Variants in UGT3A1 observed in about 807,000 individuals in gnomAD.
UGT3A1 encodes the protein UDP glycosyltransferase family 3 member A1.
UGT3A1 carries 40 observed loss-of-function variants against 37.6 expected under a neutral mutation model. The ratio of observed to expected loss-of-function variants is 1.06; its 90% CI spans 0.83 to 1.38. UGT3A1 has a LOEUF of 1.38. UGT3A1 is among the 40% of genes most tolerant of loss of function. The pLI is 0.00. For synonymous variants in UGT3A1, 256 were observed against 232.3 expected (o/e 1.10, Z -0.93); for missense variants, 642 against 634.2 (o/e 1.01, Z -0.13).
At chr5:35,991,398 C>G (rs1740948569), upstream of UGT3A1, 1 of 1,460,680 alleles carries the variant, frequency 6.8e-7, no homozygotes, top group Non-Finnish European at 9.0e-7. Flanking sequence ...TCTGTTCGTT[C>G]TCTTTCCCGC....
chr5:35,978,182 A>G (rs1270779560), intron 2 of UGT3A1, among the ~76,000 whole-genome samples: 1 of 152,008 alleles, frequency 6.6e-6, no homozygotes, highest in Non-Finnish European at 1.5e-5. Flanking sequence ...TTACAGGTGC[A>G]CACCTCCAGG....
intron 1 of UGT3A1, among the ~76,000 whole-genome samples, chr5:35,997,572 G>A (rs1055218791): frequency 3.9e-5 from 6 of 151,938 alleles, no homozygotes; most frequent in African/African-American, 9.7e-5. Flanking sequence ...GATTACAGGC[G>A]CCTGCCATTA....
chr5:35,990,984 C>T, intron 1 of UGT3A1, 163 bp downstream of exon 1: 1 of 1,553,282 alleles, frequency 6.4e-7, no homozygotes, highest in Non-Finnish European at 8.7e-7. Context: ...AGAGGCCCCT[C>T]TCTGCCCCAC....
chr5:35,965,149 C>T (rs77330234), intron 4 of UGT3A1, among the ~76,000 whole-genome samples: 1 of 152,192 alleles, frequency 6.6e-6, no homozygotes, highest in Admixed American at 6.5e-5. Context: ...GATTCTAAGA[C>T]CAGGGCATGG....
intron 1 of UGT3A1, among the ~76,000 whole-genome samples, chr5:35,989,906 A>C (rs1410392179): frequency 1.3e-5 from 2 of 152,114 alleles, no homozygotes; most frequent in East Asian, 3.9e-4. Context: ...AACACGGTTA[A>C]ACCCCGTCTC....
intron 4 of UGT3A1, among the ~76,000 whole-genome samples, chr5:35,957,719 G>A (rs1271846518): frequency 6.6e-6 from 1 of 152,022 alleles, no homozygotes; most frequent in Non-Finnish European, 1.5e-5. Context: ...TCATCCTATT[G>A]GGATCACAGA....
intron 2 of UGT3A1, 112 bp from the exon 3 acceptor site, chr5:35,968,245 T>C: frequency 1.5e-6 from 1 of 670,386 alleles, no homozygotes; most frequent in Non-Finnish European, 2.4e-6. Flanking sequence ...TGGAAATGTT[T>C]AAAGTTTTAT....
At chr5:35,990,091 CAAAA>C (rs397975621) in intron 1 of UGT3A1, among the ~76,000 whole-genome samples, 7 of 115,460 alleles carry the variant, frequency 6.1e-5, no homozygotes, top group Non-Finnish European at 1.1e-4. Context: ...GACTCCGTCT[CAAAA>C]AAAAAAAAAA....
At chr5:35,983,791 C>A (rs568458413) in intron 2 of UGT3A1, among the ~76,000 whole-genome samples, 1 of 152,080 alleles carries the variant, frequency 6.6e-6, no homozygotes, top group East Asian at 1.9e-4. Flanking sequence ...GAACCAAGAA[C>A]AAAAACCATA....
At chr5:36,000,197 A>C (rs535692369) in intron 1 of UGT3A1, among the ~76,000 whole-genome samples, 1 of 152,212 alleles carries the variant, frequency 6.6e-6, no homozygotes, top group Non-Finnish European at 1.5e-5. Flanking sequence ...TTCGGTAAAC[A>C]TTAACTGTCC....
intron 2 of UGT3A1, among the ~76,000 whole-genome samples, chr5:35,969,411 T>C (rs1302002606): frequency 6.6e-6 from 1 of 152,124 alleles, no homozygotes; most frequent in African/African-American, 2.4e-5. Flanking sequence ...TCTCTAACCT[T>C]GCTGATACTC....
chr5:35,955,424 G>A (rs970281038), intron 6 of UGT3A1: 7 of 612,354 alleles, frequency 1.1e-5, no homozygotes, highest in South Asian at 6.0e-5. Context: ...ATAATTTGTC[G>A]CCATCACAGC....
In UGT3A1 at chr5:35,951,338, T is replaced by A. The variant is rs1374330966; in HGVS notation, c.*2864A>T. On this transcript the variant is annotated 3_prime_UTR_variant, in exon 7 of 7. Coordinates refer to ENST00000274278, the MANE Select transcript of UGT3A1 (RefSeq NM_152404.4). ...TGGTTTATTCCCTCTGCACTGTTTT[T>A]GCAAGGCAATGCACATAGATATGTA... 6.6e-6 allele frequency: 1 copy of A among 152,178 alleles called. No individual in the cohort carries two copies. Among genetic ancestry groups the A allele is most frequent in the African/African-American group, 2.4e-5 (1 of 41,454 alleles). 9.4% of individuals were successfully genotyped at this position (152,178 alleles called of 1,614,324 possible). A position where few individuals can be genotyped will look rare whatever the true frequency, so the allele number is the denominator to read the frequency against.
chr5:35,985,079 T>TAAAAAAAAAAAAAAAAAAAAAAAAAAAAA (rs59401195), intron 2 of UGT3A1, among the ~76,000 whole-genome samples: 2 of 116,022 alleles, frequency 1.7e-5, no homozygotes, highest in Non-Finnish European at 3.5e-5. Context: ...ACATAAAATA[T>TAAAAAAAAAAAAAAAAAAAAAAAAAAAAA]AAAAAAAAAA....
At chr5:35,975,417 C>G (rs1027577770) in intron 2 of UGT3A1, among the ~76,000 whole-genome samples, 1 of 152,194 alleles carries the variant, frequency 6.6e-6, no homozygotes, top group African/African-American at 2.4e-5. Flanking sequence ...TTTATTCTTA[C>G]TCAAAAAGCC....
intron 1 of UGT3A1, among the ~76,000 whole-genome samples, chr5:35,989,347 T>C: frequency 6.6e-6 from 1 of 152,166 alleles, no homozygotes; most frequent in East Asian, 1.9e-4. Context: ...CTTCTCTTAG[T>C]GCATGTTCCA....
At chr5:35,955,995 T>C in intron 5 of UGT3A1, 131 bp from the exon 6 acceptor site, 2 of 939,868 alleles carry the variant, frequency 2.1e-6, no homozygotes, top group Non-Finnish European at 3.2e-6. Context: ...CTGATTTTGC[T>C]TGGGACACAC....
At chr5:35,977,755 GAACT>G (rs1277957624) in intron 2 of UGT3A1, among the ~76,000 whole-genome samples, 1 of 152,126 alleles carries the variant, frequency 6.6e-6, no homozygotes, top group Non-Finnish European at 1.5e-5. Flanking sequence ...AATGTGAAAT[GAACT>G]AATACAATAA....
At chr5:35,955,588 C>T in intron 6 of UGT3A1, 57 bp downstream of exon 6, 1 of 1,570,464 alleles carries the variant, frequency 6.4e-7, no homozygotes, top group Non-Finnish European at 8.8e-7. Context: ...CACAGTATCC[C>T]TTGTGTTTTC....
Sources: gnomAD v4.1 joint callset for allele counts (sites outside exome capture counted in the v4.1 genomes callset) on GRCh38, gnomAD v4.1.1 for gene constraint, MANE v1.5 for transcripts, NCBI Gene and HGNC (gene_info 2026-07-23, HGNC 2026-07-21) for gene names.